LRBA: variants seen among roughly 807,000 people sequenced by gnomAD.
LRBA encodes lipopolysaccharide-responsive and beige-like anchor protein.
In LRBA, 176 loss-of-function variants were observed where a neutral mutation model predicts 330.0. That is an observed-to-expected ratio of 0.53 (90% confidence interval 0.47 to 0.60). The LOEUF is 0.60. Ranked by LOEUF, LRBA falls within the 20% of genes least tolerant of loss-of-function variation. The probability of loss-of-function intolerance (pLI) is 0.00; values close to 1 mark genes in which losing one functional copy is unlikely to be tolerated. For missense variants in LRBA, 3,259 were observed against 3,444.8 expected, an observed-to-expected ratio of 0.95 and a Z score of 1.35; for synonymous variants, 1,230 against 1,193.0, an observed-to-expected ratio of 1.03 and a Z score of -0.64.
intron 50 of LRBA, among the ~76,000 whole-genome samples, chr4:150,318,742 G>T (rs947410933): frequency 3.9e-5 from 6 of 152,134 alleles, no homozygotes; most frequent in African/African-American, 1.4e-4. Flanking sequence ...AAAAGTTGCT[G>T]TGTCATACTG....
chr4:150,655,328 C>A (rs2126786793), intron 37 of LRBA, among the ~76,000 whole-genome samples: 1 of 152,220 alleles, frequency 6.6e-6, no homozygotes, highest in Middle Eastern at 3.4e-3. Context: ...GTATATTCTT[C>A]ATTGTGTAAA....
intron 28 of LRBA, among the ~76,000 whole-genome samples, chr4:150,833,312 C>G (rs917295912): frequency 2.0e-5 from 3 of 151,724 alleles, no homozygotes; most frequent in African/African-American, 7.3e-5. Flanking sequence ...TATGTTTGAA[C>G]TTGTTAATTT....
chr4:150,922,838 C>T (rs762669120), intron 4 of LRBA, among the ~76,000 whole-genome samples: 1 of 152,104 alleles, frequency 6.6e-6, no homozygotes, highest in African/African-American at 2.4e-5. Context: ...ATTTTAACCT[C>T]ATAACCACCC....
At chr4:150,659,851 T>TGG (rs1483114193) in intron 37 of LRBA, among the ~76,000 whole-genome samples, 1 of 67,422 alleles carries the variant, frequency 1.5e-5, no homozygotes, top group African/African-American at 5.0e-5. Context: ...GGGAGGGAGG[T>TGG]GGGGGGGTCA....
intron 47 of LRBA, among the ~76,000 whole-genome samples, chr4:150,391,740 C>A (rs541025629): frequency 1.3e-5 from 2 of 152,018 alleles, no homozygotes; most frequent in Non-Finnish European, 1.5e-5. Context: ...TCAAGTGATA[C>A]CATGTGCCAG....
chr4:150,715,662 A>T (rs1159577331), intron 36 of LRBA, among the ~76,000 whole-genome samples: 1 of 152,214 alleles, frequency 6.6e-6, no homozygotes, highest in African/African-American at 2.4e-5. Context: ...GCCAAGTGTT[A>T]GTGAAAGACT....
intron 47 of LRBA, among the ~76,000 whole-genome samples, 180 bp from the exon 48 acceptor site, chr4:150,350,339 A>C (rs1332705994): frequency 6.6e-6 from 1 of 152,216 alleles, no homozygotes. Flanking sequence ...TGGGAGGCCG[A>C]GGTGGGCAGA....
chr4:150,352,493 C>G (rs1737312262), intron 47 of LRBA, among the ~76,000 whole-genome samples: 1 of 152,026 alleles, frequency 6.6e-6, no homozygotes, highest in South Asian at 2.1e-4. Context: ...CTTAAAAATA[C>G]TTAGCTAGGT....
intron 47 of LRBA, among the ~76,000 whole-genome samples, chr4:150,389,908 G>C (rs1457390261): frequency 7.9e-6 from 1 of 126,154 alleles, no homozygotes. Flanking sequence ...TTTTTGTCTG[G>C]GTATTTTTTT....
At chr4:150,269,447 G>A (rs1745787978) in intron 56 of LRBA, among the ~76,000 whole-genome samples, 1 of 152,072 alleles carries the variant, frequency 6.6e-6, no homozygotes, top group African/African-American at 2.4e-5. Context: ...AACAATGAAG[G>A]TGGACTCTTA....
intron 47 of LRBA, among the ~76,000 whole-genome samples, chr4:150,367,168 AGT>A (rs924185040): frequency 4.6e-5 from 7 of 152,216 alleles, no homozygotes; most frequent in Non-Finnish European, 1.0e-4. Context: ...TTTCTTTAAA[AGT>A]GTTTTAGAAA....
At chr4:150,488,233 C>T (rs1172071842) in intron 41 of LRBA, among the ~76,000 whole-genome samples, 1 of 151,440 alleles carries the variant, frequency 6.6e-6, no homozygotes, top group East Asian at 1.9e-4. Flanking sequence ...TTTCCAGAAA[C>T]AAATATTAAA....
At chr4:150,494,873 G>A (rs558948489) in intron 40 of LRBA, among the ~76,000 whole-genome samples, 30 of 152,140 alleles carry the variant, frequency 2.0e-4, no homozygotes, top group Non-Finnish European at 3.8e-4. Context: ...GGTTGCGGGC[G>A]CCTGTAGTCC....
At chr4:150,673,245 GAA>G (rs1297106317) in intron 37 of LRBA, among the ~76,000 whole-genome samples, 1 of 152,050 alleles carries the variant, frequency 6.6e-6, no homozygotes, top group Non-Finnish European at 1.5e-5. Flanking sequence ...TTTTAAGACA[GAA>G]AAAAATTGAC....
chr4:150,545,308 T>G (rs533781333), intron 40 of LRBA, among the ~76,000 whole-genome samples: 14 of 152,276 alleles, frequency 9.2e-5, no homozygotes, highest in African/African-American at 2.9e-4. Flanking sequence ...AAAAGAAGAT[T>G]ACAAATCAAT....
chr4:150,508,193 T>C (rs1761360259), intron 40 of LRBA, among the ~76,000 whole-genome samples: 1 of 121,022 alleles, frequency 8.3e-6, no homozygotes, highest in African/African-American at 3.3e-5. Flanking sequence ...AACCTGCAAA[T>C]TGTGCACATG....
intron 34 of LRBA, among the ~76,000 whole-genome samples, chr4:150,775,494 C>T (rs1188420658): frequency 4.3e-4 from 4 of 9,334 alleles, no homozygotes; most frequent in African/African-American, 5.7e-4. Flanking sequence ...CACACACACA[C>T]ACACACACAG....
chr4:150,732,095 T>C (rs1016382565), intron 36 of LRBA, among the ~76,000 whole-genome samples: 4 of 152,130 alleles, frequency 2.6e-5, no homozygotes, highest in African/African-American at 7.2e-5. Flanking sequence ...GTTTAAAAAC[T>C]GAAGCCATCA....
At chr4:150,844,549 T>C in intron 27 of LRBA, 109 bp downstream of exon 27, 1 of 999,424 alleles carries the variant, frequency 1.0e-6, no homozygotes, top group South Asian at 1.8e-5. Flanking sequence ...AAAGTAACTA[T>C]TTTAATCTCT....
Sources: allele counts gnomAD v4.1 joint callset (sites outside exome capture counted in the v4.1 genomes callset), GRCh38; gene constraint gnomAD v4.1.1; transcripts MANE v1.5; gene names NCBI Gene and HGNC (gene_info 2026-07-23, HGNC 2026-07-21).